CPNE8: variants seen among roughly 807,000 people sequenced by gnomAD.
The protein encoded by CPNE8 is copine 8, also known as copine-8.
A neutral mutation model predicts 81.5 loss-of-function variants in CPNE8; 45 were observed. The observed-to-expected ratio is 0.55, with a 90% CI of 0.44 to 0.71. The LOEUF (loss-of-function observed/expected upper bound fraction) is 0.71. Ranked by LOEUF, CPNE8 falls within the 30% of genes least tolerant of loss-of-function variation. The pLI is 0.00. For synonymous variants in CPNE8, 252 were observed against 226.3 expected, an observed-to-expected ratio of 1.11 and a Z score of -1.02; for missense variants, 594 against 672.1, an observed-to-expected ratio of 0.88 and a Z score of 1.28.
intron 5 of CPNE8, among the ~76,000 whole-genome samples, chr12:38,835,189 A>G (rs1943360305): frequency 6.6e-6 from 1 of 151,662 alleles, no homozygotes; most frequent in East Asian, 1.9e-4. Context: ...CTGGCCCCAG[A>G]CTCTTTCTTG....
chr12:38,878,042 C>T (rs946544169), intron 1 of CPNE8, among the ~76,000 whole-genome samples: 5 of 152,128 alleles, frequency 3.3e-5, no homozygotes, highest in South Asian at 2.1e-4. Flanking sequence ...CACTCCCACC[C>T]GGGCCATGAC....
intron 6 of CPNE8, among the ~76,000 whole-genome samples, chr12:38,794,967 C>A (rs550787537): frequency 2.0e-5 from 3 of 152,188 alleles, no homozygotes; most frequent in South Asian, 2.1e-4. Context: ...AGTGGGAGAC[C>A]CTTACTTGCT....
At chr12:38,716,073 C>T (rs964130283) in intron 13 of CPNE8, among the ~76,000 whole-genome samples, 2 of 151,822 alleles carry the variant, frequency 1.3e-5, no homozygotes, top group African/African-American at 4.8e-5. Flanking sequence ...AAGAAAATAC[C>T]TAGGAATATG....
intron 17 of CPNE8, among the ~76,000 whole-genome samples, chr12:38,676,644 A>C (rs1251339008): frequency 1.3e-5 from 2 of 152,214 alleles, no homozygotes. Flanking sequence ...TAAATATTTC[A>C]TGTTATAACA....
intron 3 of CPNE8, among the ~76,000 whole-genome samples, chr12:38,855,368 A>G (rs1203268205): frequency 1.3e-5 from 2 of 152,148 alleles, no homozygotes; most frequent in Non-Finnish European, 2.9e-5. Flanking sequence ...AATAGAAAAT[A>G]CAATCCTAAG....
intron 6 of CPNE8, among the ~76,000 whole-genome samples, chr12:38,809,529 AAC>A (rs1386747989): frequency 1.3e-5 from 2 of 152,196 alleles, no homozygotes; most frequent in African/African-American, 4.8e-5. Context: ...TTTGCCACAT[AAC>A]ACAACATAAC....
intron 10 of CPNE8, among the ~76,000 whole-genome samples, chr12:38,741,938 T>G (rs1407403199): frequency 2.0e-5 from 3 of 152,124 alleles, no homozygotes; most frequent in Admixed American, 6.6e-5. Flanking sequence ...CATCATCACT[T>G]GCCATCAGAG....
At chr12:38,760,175 G>A (rs1299683139) in intron 10 of CPNE8, among the ~76,000 whole-genome samples, 1 of 152,100 alleles carries the variant, frequency 6.6e-6, no homozygotes, top group Non-Finnish European at 1.5e-5. Flanking sequence ...AGCACCTAGA[G>A]AGGCAGCAGT....
At chr12:38,828,217 G>T (rs1943230788) in intron 6 of CPNE8, among the ~76,000 whole-genome samples, 1 of 152,130 alleles carries the variant, frequency 6.6e-6, no homozygotes, top group Non-Finnish European at 1.5e-5. Flanking sequence ...GATGCAATTA[G>T]AATTATATGC....
chr12:38,784,021 A>G (rs1036481713), intron 6 of CPNE8, among the ~76,000 whole-genome samples: 1 of 152,226 alleles, frequency 6.6e-6, no homozygotes, highest in African/African-American at 2.4e-5. Flanking sequence ...AATGAACTAA[A>G]TAAAGCACCA....
chr12:38,778,924 A>T (rs1478459795), intron 6 of CPNE8, among the ~76,000 whole-genome samples: 1 of 152,132 alleles, frequency 6.6e-6, no homozygotes, highest in Non-Finnish European at 1.5e-5. Flanking sequence ...ACATGTCAAG[A>T]TCTTCCATCT....
chr12:38,750,202 T>A (rs555595589), intron 10 of CPNE8, among the ~76,000 whole-genome samples: 2 of 152,282 alleles, frequency 1.3e-5, no homozygotes, highest in Admixed American at 1.3e-4. Flanking sequence ...AAGTCAAGAA[T>A]TGAGGTTTGG....
chr12:38,791,302 C>T (rs1942317115), intron 6 of CPNE8, among the ~76,000 whole-genome samples: 2 of 151,468 alleles, frequency 1.3e-5, no homozygotes, highest in Admixed American at 6.6e-5. Flanking sequence ...GGTATTTCTT[C>T]TTCTTCTTCT....
intron 6 of CPNE8, among the ~76,000 whole-genome samples, chr12:38,825,709 C>A (rs1943178287): frequency 6.6e-6 from 1 of 152,218 alleles, no homozygotes; most frequent in Non-Finnish European, 1.5e-5. Context: ...AGACATATGC[C>A]TCTCTCACAG....
intron 10 of CPNE8, among the ~76,000 whole-genome samples, chr12:38,734,492 G>A (rs902016442): frequency 6.6e-6 from 1 of 152,002 alleles, no homozygotes; most frequent in Non-Finnish European, 1.5e-5. Flanking sequence ...AGATTTTCCT[G>A]AAGGCCACCC....
chr12:38,867,874 C>A (rs1943938502), intron 3 of CPNE8, among the ~76,000 whole-genome samples: 1 of 152,050 alleles, frequency 6.6e-6, no homozygotes, highest in Non-Finnish European at 1.5e-5. Context: ...TTTCATAATT[C>A]ACTCATTAGA....
intron 19 of CPNE8, among the ~76,000 whole-genome samples, chr12:38,667,091 A>C (rs1939073212): frequency 6.6e-6 from 1 of 152,184 alleles, no homozygotes; most frequent in Non-Finnish European, 1.5e-5. Flanking sequence ...CCTCAGCTAC[A>C]TACTATTATT....
intron 6 of CPNE8, among the ~76,000 whole-genome samples, chr12:38,809,282 A>T (rs781488390): frequency 1.3e-5 from 2 of 152,182 alleles, no homozygotes; most frequent in Non-Finnish European, 2.9e-5. Context: ...GATAGCAAAC[A>T]TAATTTAATT....
In CPNE8 at chr12:38,701,650, C is replaced by G. The variant is rs536096292; in HGVS notation, c.961+1225G>C. The stretch of plus-strand genomic sequence containing the variant: ...CTGGGACTGCAGGTGTGTGCCACCA[C>G]GTTTGGCTAATTTTTGCATTTTTAG... On this transcript the variant is annotated intron_variant, in intron 14 of 19. Coordinates refer to ENST00000331366, the MANE Select transcript of CPNE8 (RefSeq NM_153634.3). Among the ~76,000 whole-genome samples, 311 of 151,994 alleles carry G rather than the reference C, an allele frequency of 2.0e-3. 1 individual carries two copies. The highest frequency in any genetic ancestry group is 7.8e-4 in the Non-Finnish European group (53 of 67,968).
Sources: gnomAD v4.1 joint callset for allele counts (sites outside exome capture counted in the v4.1 genomes callset) on GRCh38, gnomAD v4.1.1 for gene constraint, MANE v1.5 for transcripts, NCBI Gene and HGNC (gene_info 2026-07-23, HGNC 2026-07-21) for gene names.